The following SLC28A1 variants were observed in gnomAD, a reference collection of about 807,000 sequenced individuals.
The protein encoded by SLC28A1 is solute carrier family 28 member 1.
A neutral mutation model predicts 74.8 loss-of-function variants in SLC28A1; 64 were observed. The ratio of observed to expected loss-of-function variants is 0.86; its 90% CI spans 0.70 to 1.05. The LOEUF (loss-of-function observed/expected upper bound fraction) is 1.05. Among genes scored for constraint, SLC28A1 ranks in the 50% least tolerant of loss-of-function variants. The probability of loss-of-function intolerance (pLI) is 0.00; values close to 1 mark genes in which losing one functional copy is unlikely to be tolerated. For missense variants in SLC28A1, 828 were observed against 822.8 expected (o/e 1.01, Z -0.08); for synonymous variants, 359 against 335.0 (o/e 1.07, Z -0.78).
intron 16 of SLC28A1, among the ~76,000 whole-genome samples, chr15:84,944,043 TGTG>T (rs1429782343): frequency 1.3e-5 from 2 of 151,570 alleles, no homozygotes; most frequent in Admixed American, 6.6e-5. Flanking sequence ...GGGTGGGAGG[TGTG>T]GTGCTTGCCT....
At chr15:84,905,721 AG>A in intron 8 of SLC28A1, 69 bp downstream of exon 8, 2 of 1,174,026 alleles carry the variant, frequency 1.7e-6, no homozygotes, top group African/African-American at 1.5e-5. Flanking sequence ...GCCACTTGGC[AG>A]GGGGAAAAGT....
chr15:84,930,953 T>C (rs1285276948), intron 12 of SLC28A1, among the ~76,000 whole-genome samples: 1 of 152,072 alleles, frequency 6.6e-6, no homozygotes, highest in East Asian at 1.9e-4. Flanking sequence ...TCTATTTTTA[T>C]TAGAGATGGG....
chr15:84,904,984 C>T (rs1297580803), intron 7 of SLC28A1, among the ~76,000 whole-genome samples: 2 of 152,226 alleles, frequency 1.3e-5, no homozygotes, highest in African/African-American at 2.4e-5. Context: ...TTATGATACA[C>T]ACCTGAGCTT....
chr15:84,910,225 A>G (rs1430605077), intron 9 of SLC28A1, among the ~76,000 whole-genome samples: 1 of 152,186 alleles, frequency 6.6e-6, no homozygotes, highest in East Asian at 1.9e-4. Flanking sequence ...AGTTCTGCAT[A>G]GGGAGAATAT....
intron 12 of SLC28A1, among the ~76,000 whole-genome samples, chr15:84,928,515 C>T (rs1970759593): frequency 6.8e-6 from 1 of 147,018 alleles, no homozygotes. Context: ...CTTCAAGCTC[C>T]CAGGTTCGTT....
At chr15:84,949,593 A>G (rs1310404729), downstream of SLC28A1, among the ~76,000 whole-genome samples, 3 of 117,880 alleles carry the variant, frequency 2.5e-5, no homozygotes, top group Non-Finnish European at 3.4e-5. Flanking sequence ...TTTTTTAGAG[A>G]TGGCGGGGAC....
chr15:84,944,200 G>A (rs970479162), intron 16 of SLC28A1, among the ~76,000 whole-genome samples: 5 of 152,228 alleles, frequency 3.3e-5, no homozygotes, highest in African/African-American at 9.6e-5. Flanking sequence ...CTGCCTGGTG[G>A]TATAATCACC....
the SLC28A1 span, among the ~76,000 whole-genome samples, chr15:84,952,949 C>T: frequency 6.6e-6 from 1 of 152,258 alleles, no homozygotes; most frequent in East Asian, 1.9e-4. Context: ...TTGCTTTTAT[C>T]CCTTGAAACT....
rs138651042 is a variant in SLC28A1 at position 84,886,670 on chromosome 15, A to C, written c.-132-2A>C. The C allele has an allele frequency of 3.6e-5, 35 of 985,540 alleles. No homozygotes were observed. The highest frequency in any genetic ancestry group is 5.2e-4 in the Middle Eastern group (1 of 1,914). 61.0% of individuals were successfully genotyped at this position (985,540 alleles called of 1,614,324 possible). On this transcript the variant is annotated splice_acceptor_variant, in intron 1 of 18. Transcript: ENST00000394573. LOFTEE classifies it low-confidence loss of function (5UTR_SPLICE). ...CCTACTCCGACCCTGGACTCTGCCC[A>C]GGAATTTCTGCTGAAGTGACAAGGC...
At chr15:84,914,696 G>T (rs1968833391) in intron 9 of SLC28A1, among the ~76,000 whole-genome samples, 1 of 152,206 alleles carries the variant, frequency 6.6e-6, no homozygotes, top group Admixed American at 6.5e-5. Flanking sequence ...AATGGCACTT[G>T]CCTCCCCTTT....
downstream of SLC28A1, among the ~76,000 whole-genome samples, chr15:84,948,110 A>C (rs1567198197): frequency 6.6e-6 from 1 of 152,146 alleles, no homozygotes; most frequent in Non-Finnish European, 1.5e-5. Context: ...CTGTGAGTTG[A>C]CTAATGGGCT....
intron 12 of SLC28A1, among the ~76,000 whole-genome samples, chr15:84,928,594 C>CT (rs1299686394): frequency 1.8e-4 from 3 of 16,570 alleles, no homozygotes; most frequent in Non-Finnish European, 2.1e-4. Flanking sequence ...TTCTTTCTTT[C>CT]TTTCTTTCTT....
intron 5 of SLC28A1, among the ~76,000 whole-genome samples, chr15:84,892,119 G>A (rs1965434437): frequency 6.6e-6 from 1 of 152,116 alleles, no homozygotes; most frequent in South Asian, 2.1e-4. Context: ...GGAGGCTGTA[G>A]TGGGAGGATT....
At chr15:84,933,932 A>C (rs186481562) in intron 13 of SLC28A1, among the ~76,000 whole-genome samples, 1 of 152,256 alleles carries the variant, frequency 6.6e-6, no homozygotes, top group African/African-American at 2.4e-5. Context: ...CCTAGATCGC[A>C]CCACTGTACT....
At position 84,917,037 on chromosome 15, in the gene SLC28A1, A is replaced by T. The variant is rs555614864; in HGVS notation, c.796-1487A>T. ...AGTGAGATTCTGTCTCAAAAAAAAA[A>T]AAATAAATAAAAAAGGTAGGAACAG... On this transcript the variant is annotated intron_variant, in intron 9 of 18. Transcript: ENST00000394573. 4.8e-4 allele frequency among the ~76,000 whole-genome samples: 70 copies of T among 144,826 alleles called. 1 individual carries two copies. The highest frequency in any genetic ancestry group is 2.1e-3 in the East Asian group (10 of 4,782).
intron 12 of SLC28A1, among the ~76,000 whole-genome samples, chr15:84,932,354 T>C (rs1224505819): frequency 6.6e-6 from 1 of 151,954 alleles, no homozygotes; most frequent in African/African-American, 2.4e-5. Context: ...AAGCAAAGGG[T>C]TTGGGGTCCC....
At chr15:84,951,058 T>A in the SLC28A1 span, among the ~76,000 whole-genome samples, 1 of 152,264 alleles carries the variant, frequency 6.6e-6, no homozygotes, top group Admixed American at 6.5e-5. Flanking sequence ...TTGGTATATT[T>A]CACATTTTTG....
chr15:84,917,456 G>C (rs987828309), intron 9 of SLC28A1, among the ~76,000 whole-genome samples: 1 of 151,832 alleles, frequency 6.6e-6, no homozygotes, highest in Non-Finnish European at 1.5e-5. Flanking sequence ...TGCTTTTGGA[G>C]AGGTAGGGGA....
chr15:84,933,389 C>G (rs1971534676), intron 13 of SLC28A1, 114 bp downstream of exon 13: 1 of 1,319,488 alleles, frequency 7.6e-7, no homozygotes, highest in Non-Finnish European at 1.1e-6. Flanking sequence ...GGGCCCATCT[C>G]TCCACTTTTC....
Sources: gnomAD v4.1 joint callset for allele counts (sites outside exome capture counted in the v4.1 genomes callset) on GRCh38, gnomAD v4.1.1 for gene constraint, MANE v1.5 for transcripts, NCBI Gene and HGNC (gene_info 2026-07-23, HGNC 2026-07-21) for gene names.